The following EFCAB3 variants were observed in gnomAD, a reference collection of about 807,000 sequenced individuals.
EFCAB3 encodes the protein EF-hand calcium binding domain 3.
EFCAB3 carries 36 observed loss-of-function variants against 42.2 expected under a neutral mutation model. The observed-to-expected ratio is 0.85, with a 90% CI of 0.65 to 1.13. The LOEUF (loss-of-function observed/expected upper bound fraction) is 1.13, where lower values mean the gene tolerates loss of function less well. Ranked by LOEUF, EFCAB3 falls within the 50% of genes most tolerant of loss-of-function variation. EFCAB3 has a pLI of 0.00. For missense variants in EFCAB3, 418 were observed against 505.1 expected (o/e 0.83, Z 1.65); for synonymous variants, 170 against 172.8 (o/e 0.98, Z 0.13).
chr17:62,411,823 AGGG>A (rs764666180), intron 8 of EFCAB3, among the ~76,000 whole-genome samples: 12,241 of 136,862 alleles, frequency 0.089, 871 homozygotes, highest in South Asian at 0.23. Flanking sequence ...GGAGGGAGGG[AGGG>A]AGGAAGGAGG....
chr17:62,384,782 T>G (rs187269332), intron 2 of EFCAB3, among the ~76,000 whole-genome samples: 4 of 152,350 alleles, frequency 2.6e-5, no homozygotes, highest in African/African-American at 9.6e-5. Context: ...AACTTACCAT[T>G]TTTTGACTTT....
At chr17:62,389,571 T>G (rs1291014920) in intron 3 of EFCAB3, among the ~76,000 whole-genome samples, 1 of 152,218 alleles carries the variant, frequency 6.6e-6, no homozygotes, top group Admixed American at 6.5e-5. Flanking sequence ...TCTCCCATCC[T>G]TACTGTCAAT....
chr17:62,386,593 G>T (rs1567722180), intron 2 of EFCAB3, among the ~76,000 whole-genome samples: 1 of 152,128 alleles, frequency 6.6e-6, no homozygotes, highest in South Asian at 2.1e-4. Flanking sequence ...CAGCAAAAAA[G>T]AAAATTGAAA....
At chr17:62,413,024 A>G (rs2070513012) in intron 8 of EFCAB3, among the ~76,000 whole-genome samples, 1 of 152,226 alleles carries the variant, frequency 6.6e-6, no homozygotes, top group African/African-American at 2.4e-5. Flanking sequence ...ATGGAGGGTC[A>G]GAGAGAAAGA....
At chr17:62,377,982 ACT>A (rs1174730412), upstream of EFCAB3, 2 of 1,549,256 alleles carry the variant, frequency 1.3e-6, no homozygotes, top group African/African-American at 1.4e-5. Flanking sequence ...AGGAATGGTG[ACT>A]CTGCATAAGT....
chr17:62,395,642 A>G (rs7213988), intron 6 of EFCAB3, among the ~76,000 whole-genome samples: 1 of 152,190 alleles, frequency 6.6e-6, no homozygotes, highest in Admixed American at 6.5e-5. Context: ...TAGCCTTTGG[A>G]CTAGAGCAGA....
At chr17:62,377,070 C>T (rs147049293), upstream of EFCAB3, among the ~76,000 whole-genome samples, 1,832 of 152,130 alleles carry the variant, frequency 0.012, 44 homozygotes, top group African/African-American at 0.041. Context: ...GTGACCAGAT[C>T]AGAGGCAGGA....
chr17:62,401,186 T>C (rs1408165582), intron 6 of EFCAB3, among the ~76,000 whole-genome samples: 1 of 152,246 alleles, frequency 6.6e-6, no homozygotes, highest in African/African-American at 2.4e-5. Flanking sequence ...TTCTGAATAT[T>C]AGCCCTTTGT....
intron 6 of EFCAB3, chr17:62,397,950 G>C (rs2070365485): frequency 4.6e-6 from 1 of 216,648 alleles, no homozygotes; most frequent in Middle Eastern, 1.8e-3. Flanking sequence ...GCTTGAACCT[G>C]GGAGGCAGAG....
At chr17:62,390,407 T>C (rs1567723208) in intron 3 of EFCAB3, among the ~76,000 whole-genome samples, 1 of 152,162 alleles carries the variant, frequency 6.6e-6, no homozygotes, top group Non-Finnish European at 1.5e-5. Context: ...GGTCAGGAAG[T>C]AGACATGGAG....
chr17:62,403,041 T>C (rs2070417786), intron 6 of EFCAB3, among the ~76,000 whole-genome samples: 1 of 152,212 alleles, frequency 6.6e-6, no homozygotes, highest in Non-Finnish European at 1.5e-5. Flanking sequence ...TCCAGGAATT[T>C]ATCCATTTCT....
rs529126169 is a variant in EFCAB3 at position 62,405,085 on chromosome 17, T to C, written c.489-1395T>C. 7.9e-5 allele frequency among the ~76,000 whole-genome samples: 12 copies of C among 152,318 alleles called. No individual in the cohort carries two copies. In the South Asian group the frequency reaches 2.5e-3, roughly 32 times the overall value. ...GGCCAAGAATTTGTATTTCCCACAA[T>C]TTGTATTTTCCCAGTGGTGCTGAAG... On this transcript the variant is annotated intron_variant, in intron 6 of 9. Transcript: ENST00000305286.
upstream of EFCAB3, among the ~76,000 whole-genome samples, chr17:62,377,541 A>T (rs561853066): frequency 1.3e-5 from 2 of 152,332 alleles, no homozygotes; most frequent in Admixed American, 1.3e-4. Context: ...GCAGTTAGTT[A>T]ATTATACCCA....
intron 5 of EFCAB3, among the ~76,000 whole-genome samples, chr17:62,394,804 T>C (rs2070335006): frequency 6.6e-6 from 1 of 152,244 alleles, no homozygotes; most frequent in African/African-American, 2.4e-5. Flanking sequence ...ATAATAATCA[T>C]TAACACAAAA....
In EFCAB3 at chr17:62,413,780, A is replaced by G. The variant is rs758032242; in HGVS notation, c.916A>G (p.Ile306Val). The G allele has an allele frequency of 3.7e-6, 6 of 1,613,728 alleles. No individual in the cohort carries two copies. Among genetic ancestry groups the G allele is most frequent in the Non-Finnish European group, 5.1e-6 (6 of 1,179,814 alleles). The change falls in exon 9 of 10, where the codon ATC becomes GTC. Residue 306 changes from isoleucine (I) to valine (V), a missense_variant. Ile to Val is a conservative substitution (Grantham distance 29). Transcript: ENST00000305286. ...CCCTGCCTCAGGTTATTCAAATAACATCTTCACCATTGATCAAATGCTCAA... is the reference window on the plus strand; with the variant it reads ...CCCTGCCTCAGGTTATTCAAATAACGTCTTCACCATTGATCAAATGCTCAA... Reference protein sequence around the residue: ...MDPASGYSNNIFTIDQMLKKK... With the variant: ...MDPASGYSNNVFTIDQMLKKK...
intron 6 of EFCAB3, among the ~76,000 whole-genome samples, chr17:62,404,603 C>T (rs2070432869): frequency 6.6e-6 from 1 of 152,146 alleles, no homozygotes; most frequent in African/African-American, 2.4e-5. Context: ...TCAAGACCAG[C>T]CTGACCGACA....
intron 5 of EFCAB3, 36 bp from the exon 6 acceptor site, chr17:62,395,032 G>T (rs753441500): frequency 1.9e-6 from 3 of 1,607,920 alleles, no homozygotes; most frequent in South Asian, 2.2e-5. Context: ...ATTTCAGAAG[G>T]TATTTAAAAA....
intron 2 of EFCAB3, among the ~76,000 whole-genome samples, chr17:62,385,028 T>G (rs1458177193): frequency 1.3e-5 from 2 of 152,212 alleles, no homozygotes; most frequent in Non-Finnish European, 2.9e-5. Context: ...ATTAAATGCA[T>G]TTTCAATTTA....
intron 2 of EFCAB3, among the ~76,000 whole-genome samples, chr17:62,375,190 A>G (rs937021041): frequency 6.6e-6 from 1 of 152,258 alleles, no homozygotes; most frequent in African/African-American, 2.4e-5. Flanking sequence ...GAATTTTAAT[A>G]GAAAATAAAT....
Sources: allele counts gnomAD v4.1 joint callset (sites outside exome capture counted in the v4.1 genomes callset), GRCh38; gene constraint gnomAD v4.1.1; transcripts MANE v1.5; gene names NCBI Gene and HGNC (gene_info 2026-07-23, HGNC 2026-07-21).